Variants in LNX1 observed in about 807,000 individuals in gnomAD.
The protein encoded by LNX1 is ligand of numb-protein X 1, also known as E3 ubiquitin-protein ligase LNX.
A neutral mutation model predicts 68.4 loss-of-function variants in LNX1; 54 were observed. The ratio of observed to expected loss-of-function variants is 0.79; its 90% CI spans 0.63 to 0.99. The LOEUF (loss-of-function observed/expected upper bound fraction) is 0.99. Ranked by LOEUF, LNX1 falls within the 50% of genes least tolerant of loss-of-function variation. The pLI is 0.00. For synonymous variants in LNX1, 336 were observed against 350.0 expected (o/e 0.96, Z 0.45); for missense variants, 906 against 926.4 (o/e 0.98, Z 0.29).
intron 2 of LNX1, among the ~76,000 whole-genome samples, chr4:53,604,587 A>G (rs1481072426): frequency 6.6e-6 from 1 of 152,210 alleles, no homozygotes; most frequent in Non-Finnish European, 1.5e-5. Flanking sequence ...AGGTTTAACT[A>G]GATGTCCAAA....
At chr4:53,472,221 G>A (rs1449968852) in intron 9 of LNX1, among the ~76,000 whole-genome samples, 4 of 152,094 alleles carry the variant, frequency 2.6e-5, no homozygotes, top group Admixed American at 2.0e-4. Context: ...ATCATTCTCA[G>A]CAAACTATTG....
intron 1 of LNX1, among the ~76,000 whole-genome samples, chr4:53,650,139 G>A (rs1735038961): frequency 6.6e-6 from 1 of 152,192 alleles, no homozygotes; most frequent in Non-Finnish European, 1.5e-5. Flanking sequence ...GAGGACACGT[G>A]CCCTGCCTGT....
rs1284556770 is a variant in LNX1, at chr4:53,561,269, C to T, written c.380+12354G>A. ...TTTGAGATGGAGTCTCATTCTGTCA[C>T]CAGACTGGAGTGCAATGGGGCGATC... On this transcript the variant is annotated intron_variant, in intron 2 of 10. Transcript: ENST00000263925. Among the ~76,000 whole-genome samples the T allele has an allele frequency of 3.3e-5, 5 of 152,062 alleles. No homozygotes were observed. The East Asian group carries it at 5.8e-4, about 18-fold the overall frequency.
rs1284004162 is a variant in LNX1, at chr4:53,476,816, T to C, written c.1829A>G (p.Asn610Ser). The C allele has an allele frequency of 1.9e-6, 3 of 1,614,042 alleles. No homozygotes were observed. Among genetic ancestry groups the C allele is most frequent in the African/African-American group, 1.3e-5 (1 of 74,906 alleles). Reference protein sequence around the residue: ...DCSSPAALDSNHNMAPPSDWS... With the variant: ...DCSSPAALDSSHNMAPPSDWS... ...GTCACTGGGTGGGGCCATGTTGTGGTTGGAGTCCAGGGCTGCTGGGCTGCT... is the reference window on the plus strand; with the variant it reads ...GTCACTGGGTGGGGCCATGTTGTGGCTGGAGTCCAGGGCTGCTGGGCTGCT... Residue 610 changes from asparagine to serine, a missense_variant, in exon 9 of 11, where the codon AAC becomes AGC. Transcript: ENST00000263925.
chr4:53,481,764 C>G lies in LNX1; in HGVS notation c.1441G>C (p.Gly481Arg). ...IFQEAGWNSN[G>R]SWSPGPGERS... ...TCCCCTGGCCCTGGGGACCAGCTGC[C>G]ATTGCTGTTCCAGCCGGCTTCCTGA... Residue 481 changes from glycine to arginine, a missense_variant, in exon 7 of 11, where the codon GGC becomes CGC. By Grantham distance (125) the Gly-to-Arg change is moderately radical (BLOSUM62 -2). Coordinates refer to ENST00000263925, the MANE Select transcript of LNX1 (RefSeq NM_001126328.3). 2 of 1,613,944 alleles carry G rather than the reference C, an allele frequency of 1.2e-6. No homozygotes were observed. The highest frequency in any genetic ancestry group is 1.7e-6 in the Non-Finnish European group (2 of 1,179,888).
At chr4:53,576,282 C>T (rs976369955) in intron 1 of LNX1, 17 of 1,612,352 alleles carry the variant, frequency 1.1e-5, no homozygotes, top group Admixed American at 5.0e-5. Flanking sequence ...CATACCGCTT[C>T]GAGGTCCCCA....
chr4:53,582,717 G>GT (rs910564240), intron 1 of LNX1, among the ~76,000 whole-genome samples: 205 of 148,860 alleles, frequency 1.4e-3, no homozygotes, highest in African/African-American at 4.6e-3. Flanking sequence ...TTGTTTTTTT[G>GT]TTTTTTTTTT....
chr4:53,493,573 G>C (rs962556808), intron 6 of LNX1, among the ~76,000 whole-genome samples: 7 of 152,218 alleles, frequency 4.6e-5, no homozygotes, highest in Non-Finnish European at 8.8e-5. Context: ...ACAGTGCAGA[G>C]AGTTGCCAGC....
chr4:53,641,095 G>A (rs1294750859), intron 1 of LNX1, among the ~76,000 whole-genome samples: 5 of 150,694 alleles, frequency 3.3e-5, no homozygotes, highest in African/African-American at 4.9e-5. Context: ...GCTTGTGTGT[G>A]TGCATTTTAT....
chr4:53,476,832 C>T lies in LNX1; in HGVS notation c.1813G>A (p.Ala605Thr), dbSNP rs1480818801. ...ATGTTGTGGTTGGAGTCCAGGGCTG[C>T]TGGGCTGCTGCAGTCTTCCTGGGGC... ...YEPQEDCSSPAALDSNHNMAP... is the reference protein window; with the variant it reads ...YEPQEDCSSPTALDSNHNMAP... Residue 605 changes from alanine to threonine, a missense_variant, in exon 9 of 11, where the codon GCA becomes ACA. Coordinates refer to ENST00000263925, the MANE Select transcript of LNX1 (RefSeq NM_001126328.3). The T allele has an allele frequency of 4.3e-6, 7 of 1,614,180 alleles. No individual in the cohort carries two copies. Among genetic ancestry groups the T allele is most frequent in the Non-Finnish European group, 5.9e-6 (7 of 1,180,026 alleles).
rs763509163 is a variant in LNX1 at position 53,496,081 on chromosome 4, G to T, written c.1292C>A (p.Ala431Asp). 2 of 1,614,014 alleles carry T rather than the reference G, an allele frequency of 1.2e-6. No homozygotes were observed. Among genetic ancestry groups the T allele is most frequent in the African/African-American group, 2.7e-5 (2 of 74,922 alleles). The change falls in exon 6 of 11, where the codon GCC becomes GAC. Residue 431 changes from alanine to aspartate, a missense_variant. Coordinates refer to ENST00000263925, the MANE Select transcript of LNX1 (RefSeq NM_001126328.3). The part of the protein sequence containing the change: ...GQLEENDRVL[A>D]INGHDLRYGS... ...ATATCGAAGATCATGTCCATTGATG[G>T]CTAACACACGGTCATTCTCCTCAAG...
intron 2 of LNX1, among the ~76,000 whole-genome samples, chr4:53,570,603 A>T (rs1176788658): frequency 6.6e-6 from 1 of 151,796 alleles, no homozygotes; most frequent in African/African-American, 2.4e-5. Flanking sequence ...AGCATGGCAC[A>T]TGTATACGTA....
At chr4:53,506,989 A>G (rs1291904345) in intron 4 of LNX1, among the ~76,000 whole-genome samples, 2 of 152,156 alleles carry the variant, frequency 1.3e-5, no homozygotes, top group African/African-American at 4.8e-5. Context: ...GAGAGCGAAT[A>G]TATATATTGC....
At chr4:53,600,315 A>T (rs556149310) in intron 2 of LNX1, among the ~76,000 whole-genome samples, 1 of 152,320 alleles carries the variant, frequency 6.6e-6, no homozygotes, top group Admixed American at 6.5e-5. Context: ...CACAAAAAAA[A>T]GTCCTAGTAG....
intron 1 of LNX1, among the ~76,000 whole-genome samples, chr4:53,576,777 T>C (rs1731516778): frequency 6.6e-6 from 1 of 152,214 alleles, no homozygotes; most frequent in African/African-American, 2.4e-5. Context: ...TTAGCCACAT[T>C]TGGAAACAGC....
At chr4:53,526,109 G>GAAA (rs3067039) in intron 2 of LNX1, among the ~76,000 whole-genome samples, 2 of 151,872 alleles carry the variant, frequency 1.3e-5, no homozygotes, top group East Asian at 1.9e-4. Flanking sequence ...TTCTAGAAAA[G>GAAA]AAAAAATATT....
At chr4:53,542,704 C>T (rs1259632774) in intron 2 of LNX1, among the ~76,000 whole-genome samples, 4 of 152,110 alleles carry the variant, frequency 2.6e-5, no homozygotes, top group African/African-American at 7.2e-5. Flanking sequence ...AACACAATTT[C>T]GGAATGAGAA....
chr4:53,491,286 AAT>A (rs1560624154), intron 6 of LNX1, among the ~76,000 whole-genome samples: 2 of 134,356 alleles, frequency 1.5e-5, no homozygotes, highest in East Asian at 2.4e-4. Flanking sequence ...AAAAAAAAAA[AAT>A]CTTGCTAAGA....
chr4:53,641,089 G>C (rs1321047686), intron 1 of LNX1, among the ~76,000 whole-genome samples: 1 of 151,722 alleles, frequency 6.6e-6, no homozygotes, highest in Non-Finnish European at 1.5e-5. Flanking sequence ...GTGTATGCTT[G>C]TGTGTGTGCA....
Sources: gnomAD v4.1 joint callset for allele counts (sites outside exome capture counted in the v4.1 genomes callset) on GRCh38, gnomAD v4.1.1 for gene constraint, MANE v1.5 for transcripts, NCBI Gene and HGNC (gene_info 2026-07-23, HGNC 2026-07-21) for gene names.